The following MIGA2 variants were observed in gnomAD, a reference collection of about 807,000 sequenced individuals.
MIGA2 encodes family with sequence similarity 73, member B.
MIGA2 carries 36 observed loss-of-function variants against 69.9 expected under a neutral mutation model. That is an observed-to-expected ratio of 0.52 (90% CI 0.39 to 0.68). The LOEUF (loss-of-function observed/expected upper bound fraction) is 0.68. MIGA2 is among the 30% of genes least tolerant of loss of function. The pLI, the probability that MIGA2 is intolerant of heterozygous loss-of-function variation, is 0.00. For missense variants in MIGA2, 660 were observed against 787.7 expected, an observed-to-expected ratio of 0.84 and a Z score of 1.94; for synonymous variants, 333 against 349.2, an observed-to-expected ratio of 0.95 and a Z score of 0.52.
At chr9:129,040,423 C>T in intron 1 of MIGA2, 29 bp from the exon 2 acceptor site, 1 of 1,360,222 alleles carries the variant, frequency 7.4e-7, no homozygotes, top group South Asian at 1.8e-5. Flanking sequence ...TGCACGTTCT[C>T]TTATCTGACT....
At position 129,048,538 on chromosome 9, in the gene MIGA2, C is replaced by T. The variant is rs758295687; in HGVS notation, c.419C>T (p.Ser140Leu). 3.0e-5 allele frequency: 49 copies of T among 1,613,274 alleles called. No homozygotes were observed. The highest frequency in any genetic ancestry group is 1.8e-4 in the Admixed American group (11 of 59,986). ...TCGGGCTCCTCCCACAGTGTGGCCT[C>T]GGTGAGCAGCAGGTGCCAGGGCTCC... ...KHSGSSHSVA[S>L]MMAVNSSSPT... The change falls in exon 4 of 16, where the codon TCG becomes TTG. Residue 140 changes from serine to leucine, a missense_variant and splice_region_variant. By Grantham distance (145) the Ser-to-Leu change is moderately radical. This residue lies in a region of MIGA2 where 386 missense variants were observed against 402.0 expected (regional missense o/e 0.96). Coordinates refer to ENST00000684074, the MANE Select transcript of MIGA2 (RefSeq NM_001329990.2).
intron 4 of MIGA2, among the ~76,000 whole-genome samples, chr9:129,048,999 G>C (rs775144693): frequency 6.6e-6 from 1 of 152,162 alleles, no homozygotes; most frequent in Non-Finnish European, 1.5e-5. Context: ...GGGGCTGCCA[G>C]CCACTCGTGT....
intron 3 of MIGA2, among the ~76,000 whole-genome samples, chr9:129,043,825 G>C (rs141852696): frequency 2.7e-4 from 40 of 150,826 alleles, no homozygotes; most frequent in South Asian, 8.4e-4. Flanking sequence ...CTCAGCCTCC[G>C]GAGTAGCTGG....
rs528754143 is a variant in MIGA2, at chr9:129,069,555, C to T, written c.1459-294C>T. 30 of 528,016 alleles carry T rather than the reference C, an allele frequency of 5.7e-5. No homozygotes were observed. The highest frequency in any genetic ancestry group is 1.7e-4 in the East Asian group (5 of 29,464). The allele number at this position is 528,016 out of a possible 1,614,324, so 32.7% of individuals were successfully genotyped here. A position where few individuals can be genotyped will look rare whatever the true frequency, so the allele number is the denominator to read the frequency against. Reference sequence around the variant, plus strand: ...GCCTGTGGTTTGTCGTTCCCCTCTGCGGGCCAGGCTCTGTTGCCTAGCTGA... The same window carrying T: ...GCCTGTGGTTTGTCGTTCCCCTCTGTGGGCCAGGCTCTGTTGCCTAGCTGA... On this transcript the variant is annotated intron_variant, in intron 14 of 15. Coordinates refer to ENST00000684074, the MANE Select transcript of MIGA2 (RefSeq NM_001329990.2). This position sits in a 1 kb window ranked among gnomAD's most constrained non-coding sequence, Gnocchi z 4.9.
At chr9:129,040,852 C>A (rs920903116) in intron 2 of MIGA2, among the ~76,000 whole-genome samples, 162 bp downstream of exon 2, 29 of 152,120 alleles carry the variant, frequency 1.9e-4, no homozygotes, top group Non-Finnish European at 1.6e-4. Flanking sequence ...CAGGCCTGTT[C>A]TTTAGCCTGA....
At position 129,049,910 on chromosome 9, in the gene MIGA2, A is replaced by G. The variant is rs1588383796; in HGVS notation, c.622A>G (p.Met208Val). ...GCGGGGGGACAGCGGCAGCACCCCC[A>G]TGCCCAGGGACGGCCTCCGGAACCC... ...GQRGDSGSTP[M>V]PRDGLRNPET... is the part of the protein sequence containing the mutation. The change falls in exon 6 of 16, where the codon ATG becomes GTG. Residue 208 changes from methionine to valine, a missense_variant. Physicochemically the swap from Met to Val is conservative, Grantham distance 21. Coordinates refer to ENST00000684074, the MANE Select transcript of MIGA2 (RefSeq NM_001329990.2). 1.9e-6 allele frequency: 3 copies of G among 1,613,754 alleles called. No individual in the cohort carries two copies. The highest frequency in any genetic ancestry group is 2.5e-6 in the Non-Finnish European group (3 of 1,179,972).
At chr9:129,063,655 G>GGGGGGGGGGGGGGGGGGCC in intron 11 of MIGA2, 24 bp downstream of exon 11, 24 of 645,504 alleles carry the variant, frequency 3.7e-5, no homozygotes, top group East Asian at 7.4e-5. Context: ...GGGTGGGGGG[G>GGGGGGGGGGGGGGGGGGCC]CAAATTATAA....
At chr9:129,065,627 G>A (rs1457391724) in intron 11 of MIGA2, among the ~76,000 whole-genome samples, 1 of 152,160 alleles carries the variant, frequency 6.6e-6, no homozygotes, top group Non-Finnish European at 1.5e-5. Context: ...TGGGATTACG[G>A]GTGTGAGCCA....
chr9:129,056,766 G>T (rs1845817339), intron 6 of MIGA2, among the ~76,000 whole-genome samples: 1 of 143,102 alleles, frequency 7.0e-6, no homozygotes, highest in Non-Finnish European at 1.5e-5. Context: ...TGATCTGCCC[G>T]CCTCGCCCCC....
At chr9:129,062,382 A>T (rs1199531511) in intron 9 of MIGA2, among the ~76,000 whole-genome samples, 1 of 151,602 alleles carries the variant, frequency 6.6e-6, no homozygotes, top group African/African-American at 2.4e-5. Flanking sequence ...AAATATAAAA[A>T]TTAGCTGGGC....
chr9:129,041,696 A>G (rs1371031198), intron 2 of MIGA2, among the ~76,000 whole-genome samples: 1 of 152,030 alleles, frequency 6.6e-6, no homozygotes, highest in Non-Finnish European at 1.5e-5. Context: ...CTCCCTGACA[A>G]CTCACATGTT....
chr9:129,042,608 A>C, intron 3 of MIGA2, 94 bp downstream of exon 3: 1 of 1,301,968 alleles, frequency 7.7e-7, no homozygotes, highest in South Asian at 1.3e-5. Context: ...ATATTGGGCC[A>C]GTGTCTTCCT....
intron 11 of MIGA2, chr9:129,067,567 G>T (rs1846425938): frequency 1.7e-6 from 1 of 579,458 alleles, no homozygotes; most frequent in East Asian, 2.9e-5. Context: ...CTCAGCAGAG[G>T]AGCTGGCTTG....
rs17452596 is a variant in MIGA2 at position 129,049,922 on chromosome 9, G to A, written c.634G>A (p.Gly212Ser). The A allele has an allele frequency of 4.5e-4, 719 of 1,613,716 alleles. 2 individuals are homozygous for A. The East Asian group carries it at 0.014, about 32-fold the overall frequency. ...CGGCAGCACCCCCATGCCCAGGGAC[G>A]GCCTCCGGAACCCAGAGACTGCATC... ...DSGSTPMPRDGLRNPETASEP... is the reference protein window; with the variant it reads ...DSGSTPMPRDSLRNPETASEP... The change falls in exon 6 of 16, where the codon GGC (glycine) becomes AGC (serine). Residue 212 changes from glycine to serine, a missense_variant. This residue lies in a region of MIGA2 where 386 missense variants were observed against 402.0 expected (regional missense o/e 0.96). Transcript: ENST00000684074.
chr9:129,068,152 C>T lies in MIGA2; in HGVS notation c.1270-46C>T, dbSNP rs1298752430. 1 of 1,613,244 alleles carries T rather than the reference C, an allele frequency of 6.2e-7. No homozygotes were observed. The highest frequency in any genetic ancestry group is 1.7e-5 in the Admixed American group (1 of 59,986). ...CCATCTGGAAAGTGGCCCCGAGGCT[C>T]CGGCAGTGCCCCCATGCATGAGCCT... On this transcript the variant is annotated intron_variant, in intron 12 of 15. Transcript: ENST00000684074. This position sits in a 1 kb window ranked among gnomAD's most constrained non-coding sequence, Gnocchi z 4.1.
intron 1 of MIGA2, chr9:129,036,981 G>A (rs748747587): frequency 7.0e-6 from 7 of 1,003,094 alleles, no homozygotes; most frequent in Non-Finnish European, 8.4e-6. Context: ...GAAGGAGCAG[G>A]CGTGCGGGCC....
chr9:129,064,497 G>A (rs1312088572), intron 11 of MIGA2, among the ~76,000 whole-genome samples: 1 of 150,986 alleles, frequency 6.6e-6, no homozygotes, highest in Non-Finnish European at 1.5e-5. Context: ...ATGAGCCACC[G>A]TGCCTGGCCT....
In MIGA2 at chr9:129,059,147, A is replaced by C; in HGVS notation, c.676-7A>C. The C allele has an allele frequency of 6.2e-7, 1 of 1,612,738 alleles. No homozygotes were observed. ...GTCTGGGTTGAGGGTCCTTGTTTTT[A>C]TGGCAGCCAGAGTCACAGCGGAAGG... On this transcript the variant is annotated splice_polypyrimidine_tract_variant and splice_region_variant and intron_variant, in intron 6 of 15. Coordinates refer to ENST00000684074, the MANE Select transcript of MIGA2 (RefSeq NM_001329990.2). This position sits in a 1 kb window ranked among gnomAD's most constrained non-coding sequence, Gnocchi z 5.6.
chr9:129,040,379 G>A (rs1290357294), intron 1 of MIGA2, 73 bp from the exon 2 acceptor site: 21 of 1,113,388 alleles, frequency 1.9e-5, no homozygotes, highest in East Asian at 3.4e-5. Flanking sequence ...CCCCATGGAC[G>A]CTCTTCTTGA....
Sources: allele counts gnomAD v4.1 joint callset (sites outside exome capture counted in the v4.1 genomes callset), GRCh38; gene constraint gnomAD v4.1.1; regional missense constraint gnomAD v4.1.1; non-coding constraint Gnocchi (gnomAD v3.1); transcripts MANE v1.5; gene names NCBI Gene and HGNC (gene_info 2026-07-23, HGNC 2026-07-21).